The following KCNC4 variants were observed in gnomAD, a reference collection of about 807,000 sequenced individuals.
KCNC4 encodes voltage-gated potassium channel KCNC4.
Under a neutral mutation model 42.8 loss-of-function variants are expected in KCNC4, and 23 were observed. That is an observed-to-expected ratio of 0.54 (90% CI 0.39 to 0.76). The LOEUF (loss-of-function observed/expected upper bound fraction) is 0.76. Among genes scored for constraint, KCNC4 ranks in the 30% least tolerant of loss-of-function variants. The pLI is 0.00. For synonymous variants in KCNC4, 422 were observed against 393.5 expected (o/e 1.07, Z -0.86); for missense variants, 751 against 898.2 (o/e 0.84, Z 2.10).
At chr1:110,258,340 C>T (rs1477240588) in intron 1 of KCNC4, among the ~76,000 whole-genome samples, 2 of 152,164 alleles carry the variant, frequency 1.3e-5, no homozygotes, top group South Asian at 2.1e-4. Flanking sequence ...TGGGTTCAAG[C>T]GATTCTCCTG....
rs756830433 is a variant in KCNC4, at chr1:110,212,114, C to T, written c.615C>T (p.Cys205=). The change falls in exon 1 of 4, where the codon TGC becomes TGT. Residue 205 remains cysteine (C), a synonymous_variant. Coordinates refer to ENST00000438661, the MANE Select transcript of KCNC4 (RefSeq NM_001039574.3). ...GAGHGAGSGG[C]RGWQPRMWAL... ...GCCATGGCGCCGGGTCTGGGGGCTG[C>T]CGCGGCTGGCAGCCCCGCATGTGGG... is the stretch of plus-strand genomic sequence containing the variant. 6.7e-7 allele frequency: 1 copy of T among 1,502,328 alleles called. No homozygotes were observed. The highest frequency in any genetic ancestry group is 8.8e-7 in the Non-Finnish European group (1 of 1,140,980). 93.1% of individuals were successfully genotyped at this position (1,502,328 alleles called of 1,614,324 possible).
chr1:110,265,351 CATAAATAAAATAAA>C (rs1363606027), intron 1 of KCNC4, among the ~76,000 whole-genome samples: 1 of 134,680 alleles, frequency 7.4e-6, no homozygotes, highest in African/African-American at 2.7e-5. Context: ...AGAAATAAAA[CATAAATAAAATAAA>C]ATAAAATAAA....
At chr1:110,253,760 G>A (rs756251552), downstream of KCNC4, among the ~76,000 whole-genome samples, 1 of 152,134 alleles carries the variant, frequency 6.6e-6, no homozygotes. Context: ...CCTTGTTGAC[G>A]GTGTTATCAG....
chr1:110,283,475 T>G (rs1446993198), downstream of KCNC4, among the ~76,000 whole-genome samples: 2 of 152,116 alleles, frequency 1.3e-5, no homozygotes, highest in East Asian at 3.9e-4. Flanking sequence ...GATAGGAAAT[T>G]GTGATTAACG....
intron 1 of KCNC4, among the ~76,000 whole-genome samples, chr1:110,265,153 GAATT>G (rs1659516036): frequency 6.7e-6 from 1 of 150,162 alleles, no homozygotes; most frequent in Non-Finnish European, 1.5e-5. Context: ...AATCAAAACA[GAATT>G]TATTGATGCT....
intron 1 of KCNC4, among the ~76,000 whole-genome samples, chr1:110,274,928 C>A (rs1659691842): frequency 6.6e-6 from 1 of 152,120 alleles, no homozygotes; most frequent in Non-Finnish European, 1.5e-5. Flanking sequence ...AAACCTAGGG[C>A]AAACTCTTCT....
intron 1 of KCNC4, among the ~76,000 whole-genome samples, chr1:110,274,707 C>T (rs911077268): frequency 1.3e-5 from 2 of 152,156 alleles, no homozygotes; most frequent in African/African-American, 4.8e-5. Context: ...AGAAATAAAG[C>T]CACATACCTA....
At chr1:110,221,597 G>A (rs1328028237) in intron 1 of KCNC4, 1 of 152,206 alleles carries the variant, frequency 6.6e-6, no homozygotes, top group Non-Finnish European at 1.5e-5. Flanking sequence ...CCCCATCCCA[G>A]TGCAGACTCC....
intron 1 of KCNC4, chr1:110,219,686 C>G (rs1057458499): frequency 3.9e-5 from 6 of 152,178 alleles, no homozygotes; most frequent in African/African-American, 1.4e-4. Flanking sequence ...CTTCCCTTGG[C>G]CCCCTTTAGT....
At chr1:110,212,244 G>C (rs137926712) in intron 1 of KCNC4, 67 bp downstream of exon 1, 121 of 1,349,834 alleles carry the variant, frequency 9.0e-5, no homozygotes, top group Non-Finnish European at 2.2e-5. Context: ...GTGGTGGGTA[G>C]GGGCCGGGAG....
At position 110,232,910 on chromosome 1, in the gene KCNC4, G is replaced by A. The variant is rs1352009236; in HGVS notation, c.1820-1G>A. On this transcript the variant is annotated splice_acceptor_variant, in intron 3 of 3. Transcript: ENST00000438661. LOFTEE classifies it high-confidence loss of function. Reference sequence around the variant, plus strand: ...CTCACACCTGTGCTCTTTAAACACAGAGACCTGCCAAGACGCCCTCTCGTC... The same window carrying A: ...CTCACACCTGTGCTCTTTAAACACAAAGACCTGCCAAGACGCCCTCTCGTC... 5 of 1,610,888 alleles carry A rather than the reference G, an allele frequency of 3.1e-6. No homozygotes were observed. The highest frequency in any genetic ancestry group is 3.4e-6 in the Non-Finnish European group (4 of 1,178,776).
chr1:110,245,663 AAC>A (rs1343199951), exon 4 of KCNC4: 1 of 152,174 alleles, frequency 6.6e-6, no homozygotes, highest in Non-Finnish European at 1.5e-5. Context: ...CCGCTCCCAT[AAC>A]ACACGCCCAA....
At chr1:110,216,734 A>G (rs112614034) in intron 1 of KCNC4, among the ~76,000 whole-genome samples, 1 of 152,002 alleles carries the variant, frequency 6.6e-6, no homozygotes, top group Admixed American at 6.6e-5. Context: ...GCTCTGTGCA[A>G]CCCTCATTCC....
chr1:110,277,954 G>A (rs1249746733), intron 1 of KCNC4, among the ~76,000 whole-genome samples: 2 of 152,152 alleles, frequency 1.3e-5, no homozygotes, highest in East Asian at 3.9e-4. Flanking sequence ...TTTGAGAGCA[G>A]CCTGCGCAAC....
intron 1 of KCNC4, among the ~76,000 whole-genome samples, chr1:110,281,283 T>A (rs1205917885): frequency 1.3e-5 from 2 of 151,996 alleles, no homozygotes; most frequent in Non-Finnish European, 2.9e-5. Flanking sequence ...ATATGGTTAA[T>A]GAGCTGTGGA....
At chr1:110,213,560 G>A (rs1657622662) in intron 1 of KCNC4, among the ~76,000 whole-genome samples, 1 of 152,242 alleles carries the variant, frequency 6.6e-6, no homozygotes, top group Admixed American at 6.5e-5. Flanking sequence ...AGAGAAGGGA[G>A]GAGCAGAGGT....
intron 1 of KCNC4, among the ~76,000 whole-genome samples, chr1:110,263,823 A>AG (rs5777010): frequency 1.3e-4 from 20 of 149,106 alleles, no homozygotes; most frequent in African/African-American, 2.2e-4. Flanking sequence ...GCTTTCAGTG[A>AG]GGGGGGGGAG....
chr1:110,222,851 C>A (rs1557857362), intron 1 of KCNC4, 113 bp from the exon 2 acceptor site: 1 of 730,082 alleles, frequency 1.4e-6, no homozygotes, highest in Non-Finnish European at 2.3e-6. Context: ...TTAATCCCAC[C>A]TCTCACTCTG....
In KCNC4 at chr1:110,233,774, T is replaced by G. The variant is rs1455481669; in HGVS notation, c.*802T>G. 1.3e-5 allele frequency: 2 copies of G among 152,372 alleles called. 1 individual carries two copies. Among genetic ancestry groups the G allele is most frequent in the Non-Finnish European group, 2.9e-5 (2 of 68,158 alleles). The allele number at this position is 152,372 out of a possible 1,614,324, so 9.4% of individuals were successfully genotyped here. A position where few individuals can be genotyped will look rare whatever the true frequency, so the allele number is the denominator to read the frequency against. On this transcript the variant is annotated 3_prime_UTR_variant, in exon 4 of 4. Coordinates refer to ENST00000438661, the MANE Select transcript of KCNC4 (RefSeq NM_001039574.3). Reference sequence around the variant, plus strand: ...AAGCCTTGGGCAAGAGGAGACCAGTTGCAATACTGTACTTCCTGGTCAGTG... The same window carrying G: ...AAGCCTTGGGCAAGAGGAGACCAGTGGCAATACTGTACTTCCTGGTCAGTG...
Sources: allele counts gnomAD v4.1 joint callset (sites outside exome capture counted in the v4.1 genomes callset), GRCh38; gene constraint gnomAD v4.1.1; transcripts MANE v1.5; gene names NCBI Gene and HGNC (gene_info 2026-07-23, HGNC 2026-07-21).